TULP4: variants seen among roughly 807,000 people sequenced by gnomAD.
TULP4 encodes the protein TUB like protein 4.
Under a neutral mutation model 129.0 loss-of-function variants are expected in TULP4, and 16 were observed. That is an observed-to-expected ratio of 0.12 (90% CI 0.08 to 0.19). The LOEUF (loss-of-function observed/expected upper bound fraction) is 0.19. TULP4 is among the 10% of genes least tolerant of loss of function. The pLI, the probability that TULP4 is intolerant of heterozygous loss-of-function variation, is 1.00. For synonymous variants in TULP4, 998 were observed against 854.0 expected (o/e 1.17, Z -2.94); for missense variants, 1,842 against 2,059.1 (o/e 0.89, Z 2.04).
At position 158,413,394 on chromosome 6, in the gene TULP4, T is replaced by C. The variant is rs904895724; in HGVS notation, c.381+201T>C. Among the ~76,000 whole-genome samples, 1 of 152,236 alleles carries C rather than the reference T, an allele frequency of 6.6e-6. No homozygotes were observed. The highest frequency in any genetic ancestry group is 1.5e-5 in the Non-Finnish European group (1 of 68,032). On this transcript the variant is annotated intron_variant, in intron 2 of 13. Transcript: ENST00000367097. This position sits in a 1 kb window ranked among gnomAD's most constrained non-coding sequence, Gnocchi z 4.9. ...AAAAAGAGTACAGGATCATGCCCCC[T>C]TTTCAACCATGCTGCTGTTGTGAGA...
intron 1 of TULP4, among the ~76,000 whole-genome samples, chr6:158,315,682 A>G (rs1779471025): frequency 6.6e-6 from 1 of 152,162 alleles, no homozygotes; most frequent in Non-Finnish European, 1.5e-5. Flanking sequence ...TCCATAAACA[A>G]CAGAAATTTA....
chr6:158,422,069 T>C (rs559971641), intron 2 of TULP4, among the ~76,000 whole-genome samples: 1 of 152,162 alleles, frequency 6.6e-6, no homozygotes, highest in Admixed American at 6.5e-5. Context: ...TCTTAAAATA[T>C]TATTAATTGA....
In TULP4 at chr6:158,461,423, A is replaced by AG. The variant is rs1554293673; in HGVS notation, c.860-140_860-139insG. ...TGAAACTCCGTCTCAAAAAAAAAAA[A>AG]AAAGGAAAAAACCATGAATATATTT... On this transcript the variant is annotated intron_variant, in intron 5 of 13. Transcript: ENST00000367097. 975 of 799,648 alleles carry AG rather than the reference A, an allele frequency of 1.2e-3. 2 individuals carry two copies. The highest frequency in any genetic ancestry group is 3.7e-3 in the South Asian group (156 of 42,534). 49.5% of individuals were successfully genotyped at this position (799,648 alleles called of 1,614,324 possible).
intron 1 of TULP4, among the ~76,000 whole-genome samples, chr6:158,363,560 T>C (rs1780849901): frequency 6.6e-6 from 1 of 152,232 alleles, no homozygotes; most frequent in Non-Finnish European, 1.5e-5. Flanking sequence ...CTTGGCTCAC[T>C]GCAACCTCTG....
At chr6:158,372,743 G>A (rs569804030) in intron 1 of TULP4, among the ~76,000 whole-genome samples, 1 of 152,166 alleles carries the variant, frequency 6.6e-6, no homozygotes, top group South Asian at 2.1e-4. Context: ...TTCCCCTCAG[G>A]ACTTTCATAT....
intron 1 of TULP4, among the ~76,000 whole-genome samples, chr6:158,394,655 C>T (rs960959330): frequency 2.0e-5 from 3 of 151,438 alleles, no homozygotes; most frequent in South Asian, 2.1e-4. Flanking sequence ...GACGTGGTGG[C>T]GGGCGCCTGT....
At chr6:158,372,167 T>TTTTTC (rs1777087744) in intron 1 of TULP4, among the ~76,000 whole-genome samples, 1 of 147,452 alleles carries the variant, frequency 6.8e-6, no homozygotes, top group Non-Finnish European at 1.5e-5. Context: ...CTATCTGCTT[T>TTTTTC]TTTTTTTTTT....
chr6:158,240,576 T>C (rs1777866982), intron 1 of TULP4, among the ~76,000 whole-genome samples: 1 of 76,390 alleles, frequency 1.3e-5, no homozygotes, highest in Admixed American at 1.5e-4. Context: ...GAGGGGCTCC[T>C]CACTTCCCAG....
intron 2 of TULP4, among the ~76,000 whole-genome samples, chr6:158,414,303 A>G (rs1455252182): frequency 6.6e-6 from 1 of 152,238 alleles, no homozygotes; most frequent in African/African-American, 2.4e-5. Context: ...AGAGCCACAG[A>G]TGTAGACATC....
At chr6:158,334,352 A>G (rs76215822) in intron 1 of TULP4, among the ~76,000 whole-genome samples, 1 of 152,206 alleles carries the variant, frequency 6.6e-6, no homozygotes, top group African/African-American at 2.4e-5. Flanking sequence ...TAAACTTGCC[A>G]TATGGATAAA....
chr6:158,461,117 A>G (rs1187487355), intron 5 of TULP4, among the ~76,000 whole-genome samples: 2 of 152,254 alleles, frequency 1.3e-5, no homozygotes, highest in Non-Finnish European at 2.9e-5. Context: ...ATGAGCTAAA[A>G]CATGAATATA....
At chr6:158,468,542 A>C (rs559816096) in intron 6 of TULP4, among the ~76,000 whole-genome samples, 6 of 152,210 alleles carry the variant, frequency 3.9e-5, no homozygotes, top group Non-Finnish European at 8.8e-5. Context: ...TCGTAACATA[A>C]TTTCTTTTAA....
At chr6:158,333,071 T>A (rs906287307) in intron 1 of TULP4, among the ~76,000 whole-genome samples, 1 of 152,194 alleles carries the variant, frequency 6.6e-6, no homozygotes, top group African/African-American at 2.4e-5. Flanking sequence ...TCTTCCATAG[T>A]TTGCTTAATG....
At chr6:158,436,036 T>A (rs1424924747) in intron 3 of TULP4, among the ~76,000 whole-genome samples, 1 of 151,884 alleles carries the variant, frequency 6.6e-6, no homozygotes, top group Non-Finnish European at 1.5e-5. Flanking sequence ...TGCCTCACCC[T>A]CCCAAGTAGC....
intron 2 of TULP4, among the ~76,000 whole-genome samples, chr6:158,421,357 G>C (rs371871343): frequency 1.8e-5 from 2 of 112,912 alleles, no homozygotes; most frequent in East Asian, 4.8e-4. Context: ...GCGGGGCTCC[G>C]TCTCAAAAAA....
At chr6:158,405,945 A>AT (rs1777969430) in intron 1 of TULP4, among the ~76,000 whole-genome samples, 1 of 152,160 alleles carries the variant, frequency 6.6e-6, no homozygotes, top group African/African-American at 2.4e-5. Context: ...TTTCTAGGAC[A>AT]TTTTTGCATT....
rs115858037 is a variant in TULP4, at chr6:158,390,411, A to G, written c.253-22654A>G. Reference sequence around the variant, plus strand: ...GAGTGTTATTCAGATGAATGGATATATCATTATTTAATTATTCAGCCATAT... The same window carrying G: ...GAGTGTTATTCAGATGAATGGATATGTCATTATTTAATTATTCAGCCATAT... On this transcript the variant is annotated intron_variant, in intron 1 of 13. Coordinates refer to ENST00000367097, the MANE Select transcript of TULP4 (RefSeq NM_020245.5). Among the ~76,000 whole-genome samples the G allele has an allele frequency of 1.9e-3, 295 of 152,288 alleles. 3 individuals carry two copies. The highest frequency in any genetic ancestry group is 7.0e-3 in the African/African-American group (290 of 41,572).
chr6:158,505,981 C>G (rs1385362944), intron 13 of TULP4, among the ~76,000 whole-genome samples: 1 of 151,784 alleles, frequency 6.6e-6, no homozygotes, highest in African/African-American at 2.4e-5. Context: ...GATGTTGTAC[C>G]CCACAGGTAA....
chr6:158,304,806 A>G (rs368516872), intron 1 of TULP4, among the ~76,000 whole-genome samples: 138 of 151,958 alleles, frequency 9.1e-4, no homozygotes, highest in African/African-American at 3.2e-3. Context: ...AGCTGGGACT[A>G]CAGGTGTGCA....
Sources: gnomAD v4.1 joint callset for allele counts (sites outside exome capture counted in the v4.1 genomes callset) on GRCh38, gnomAD v4.1.1 for gene constraint, Gnocchi (gnomAD v3.1) non-coding constraint, MANE v1.5 for transcripts, NCBI Gene and HGNC (gene_info 2026-07-23, HGNC 2026-07-21) for gene names.